The following ARRDC3 variants were observed in gnomAD, a reference collection of about 807,000 sequenced individuals.
ARRDC3 encodes the protein arrestin domain-containing protein 3.
A neutral mutation model predicts 47.2 loss-of-function variants in ARRDC3; 10 were observed. That is an observed-to-expected ratio of 0.21 (90% CI 0.13 to 0.36). The LOEUF (loss-of-function observed/expected upper bound fraction) is 0.36. Ranked by LOEUF, ARRDC3 falls within the 10% of genes least tolerant of loss-of-function variation. ARRDC3 has a pLI of 1.00. For missense variants in ARRDC3, 381 were observed against 503.6 expected (o/e 0.76, Z 2.33); for synonymous variants, 156 against 178.3 (o/e 0.87, Z 1.00).
At chr5:91,379,354 T>G (rs1799384705) in intron 1 of ARRDC3, among the ~76,000 whole-genome samples, 1 of 146,422 alleles carries the variant, frequency 6.8e-6, no homozygotes, top group African/African-American at 2.6e-5. Flanking sequence ...CTAAAAATAA[T>G]TATTTATTGA....
chr5:91,380,784 A>C (rs1346989937), intron 1 of ARRDC3: 2 of 152,286 alleles, frequency 1.3e-5, no homozygotes, highest in Non-Finnish European at 1.5e-5. Flanking sequence ...CAGCACCTGT[A>C]AGGCCGGCAG....
chr5:91,378,792 A>G lies in ARRDC3; in HGVS notation c.281-17T>C, dbSNP rs1380355314. ...TATCATCATCTAAAACAAACATAAA[A>G]AGAAAACAAAGAATTTATTATTCAA... On this transcript the variant is annotated splice_polypyrimidine_tract_variant and intron_variant, in intron 1 of 7. Transcript: ENST00000265138. 6.7e-6 allele frequency: 10 copies of G among 1,501,506 alleles called. No individual in the cohort carries two copies. The highest frequency in any genetic ancestry group is 9.1e-6 in the Non-Finnish European group (10 of 1,098,700). 93.0% of individuals were successfully genotyped at this position (1,501,506 alleles called of 1,614,324 possible).
chr5:91,380,664 G>A (rs879383913), intron 1 of ARRDC3: 2 of 152,268 alleles, frequency 1.3e-5, no homozygotes. Context: ...GTTCACAGGA[G>A]TCCCCTGACA....
At chr5:91,372,575 G>C (rs1482174886) in intron 7 of ARRDC3, among the ~76,000 whole-genome samples, 1 of 152,084 alleles carries the variant, frequency 6.6e-6, no homozygotes, top group Non-Finnish European at 1.5e-5. Context: ...AACACTTTTA[G>C]CATCTAATAG....
chr5:91,373,786 A>G lies in ARRDC3; in HGVS notation c.1086T>C (p.Leu362=), dbSNP rs1417520679. 2 of 1,613,994 alleles carry G rather than the reference A, an allele frequency of 1.2e-6. No individual in the cohort carries two copies. Among genetic ancestry groups the G allele is most frequent in the Non-Finnish European group, 1.7e-6 (2 of 1,179,974 alleles). Residue 362 remains leucine (L), a synonymous_variant, in exon 7 of 8, where the codon CTT becomes CTC. Coordinates refer to ENST00000265138, the MANE Select transcript of ARRDC3 (RefSeq NM_020801.4). ...AGTCATCACAAGCACTCACTGGTGCAAGATTGTTCCGCCTTTGTTCCTCTG... is the reference window on the plus strand; with the variant it reads ...AGTCATCACAAGCACTCACTGGTGCGAGATTGTTCCGCCTTTGTTCCTCTG... The part of the protein sequence containing the change: ...VVTEEQRRNN[L]APVSACDDFE...
intron 3 of ARRDC3, among the ~76,000 whole-genome samples, chr5:91,376,221 T>C (rs1176193067): frequency 3.3e-5 from 5 of 152,206 alleles, no homozygotes; most frequent in East Asian, 3.8e-4. Context: ...TATCCCTCTA[T>C]TGGAATAACA....
intron 1 of ARRDC3, chr5:91,379,994 G>T (rs991398782): frequency 3.9e-5 from 6 of 152,192 alleles, no homozygotes; most frequent in Admixed American, 6.6e-5. Context: ...TGAGCTGGGG[G>T]CCATTTAAAT....
At chr5:91,373,969 T>A (rs1003904255) in intron 6 of ARRDC3, 131 bp from the exon 7 acceptor site, 3 of 1,459,258 alleles carry the variant, frequency 2.1e-6, no homozygotes, top group Non-Finnish European at 2.8e-6. Context: ...TATGAAGACA[T>A]ATAATCAAAA....
At chr5:91,377,380 T>C (rs544057720) in intron 2 of ARRDC3, among the ~76,000 whole-genome samples, 11 of 152,272 alleles carry the variant, frequency 7.2e-5, no homozygotes, top group African/African-American at 2.4e-4. Flanking sequence ...AAGAAAAAGA[T>C]ATAGTCCTCT....
chr5:91,377,570 A>AT (rs1799333664), intron 2 of ARRDC3, among the ~76,000 whole-genome samples: 2 of 104,140 alleles, frequency 1.9e-5, no homozygotes, highest in Non-Finnish European at 3.7e-5. Flanking sequence ...GTGTTTTCAT[A>AT]ATTTTTTTTT....
intron 1 of ARRDC3, chr5:91,380,160 G>A (rs1208395890): frequency 1.3e-5 from 2 of 154,906 alleles, no homozygotes; most frequent in African/African-American, 4.8e-5. Flanking sequence ...CTAGACCGGA[G>A]CAGGAGAGGA....
intron 1 of ARRDC3, among the ~76,000 whole-genome samples, chr5:91,381,559 T>A (rs967829043): frequency 1.3e-5 from 2 of 152,216 alleles, no homozygotes; most frequent in South Asian, 2.1e-4. Flanking sequence ...TTCACCTTAA[T>A]AGTTTCAAAA....
chr5:91,372,861 A>G (rs1312911192), intron 7 of ARRDC3, among the ~76,000 whole-genome samples: 2 of 152,190 alleles, frequency 1.3e-5, no homozygotes, highest in Non-Finnish European at 2.9e-5. Flanking sequence ...TTTGGTATCA[A>G]AACCAACTCC....
chr5:91,375,730 C>T (rs1208654209), intron 3 of ARRDC3, 117 bp from the exon 4 acceptor site: 5 of 607,918 alleles, frequency 8.2e-6, no homozygotes, highest in Admixed American at 3.9e-5. Flanking sequence ...ACTGGTTTTG[C>T]TTTTTTTTTG....
chr5:91,375,624 A>C lies in ARRDC3; in HGVS notation c.511-11T>G, dbSNP rs1799282961. ...GCCTGCTTGGGGTGACTGTAAGAAA[A>C]AAATTAAGAGAAAAAGGTCAGTGTA... On this transcript the variant is annotated splice_polypyrimidine_tract_variant and intron_variant, in intron 3 of 7. Coordinates refer to ENST00000265138, the MANE Select transcript of ARRDC3 (RefSeq NM_020801.4). The C allele has an allele frequency of 6.3e-7, 1 of 1,593,836 alleles. No individual in the cohort carries two copies. The highest frequency in any genetic ancestry group is 1.1e-5 in the South Asian group (1 of 89,136).
At chr5:91,377,099 A>C (rs777533515) in intron 2 of ARRDC3, among the ~76,000 whole-genome samples, 3 of 152,224 alleles carry the variant, frequency 2.0e-5, no homozygotes, top group Non-Finnish European at 4.4e-5. Context: ...ATTCAAACAC[A>C]AAGTTGAGAA....
rs201020860 is a variant in ARRDC3 at position 91,375,212 on chromosome 5, T to G, written c.614-34A>C. The G allele has an allele frequency of 1.7e-3, 2,623 of 1,573,318 alleles. 1 individual carries two copies. Among genetic ancestry groups the G allele is most frequent in the Admixed American group, 2.3e-3 (126 of 54,054 alleles). On this transcript the variant is annotated intron_variant, in intron 4 of 7. Coordinates refer to ENST00000265138, the MANE Select transcript of ARRDC3 (RefSeq NM_020801.4). ...GGAAAAATATATACATATCTACTGT[T>G]AGAAAAAAACAACAAAAGAAGTCAA...
At chr5:91,373,219 T>C (rs964163605) in intron 7 of ARRDC3, among the ~76,000 whole-genome samples, 1 of 152,200 alleles carries the variant, frequency 6.6e-6, no homozygotes, top group Non-Finnish European at 1.5e-5. Flanking sequence ...TGAACGAAAA[T>C]AGTCTAACCA....
chr5:91,380,054 C>T (rs1039232655), intron 1 of ARRDC3: 5 of 152,224 alleles, frequency 3.3e-5, no homozygotes, highest in African/African-American at 1.2e-4. Flanking sequence ...CCTTTCTTCC[C>T]TCTTCGCTCC....
Sources: gnomAD v4.1 joint callset for allele counts (sites outside exome capture counted in the v4.1 genomes callset) on GRCh38, gnomAD v4.1.1 for gene constraint, MANE v1.5 for transcripts, NCBI Gene and HGNC (gene_info 2026-07-23, HGNC 2026-07-21) for gene names.